Variants in PARP8 observed in about 807,000 individuals in gnomAD.
The protein encoded by PARP8 is protein mono-ADP-ribosyltransferase PARP8.
Under a neutral mutation model 124.1 loss-of-function variants are expected in PARP8, and 51 were observed. The observed-to-expected ratio is 0.41, with a 90% CI of 0.33 to 0.52. PARP8 has a LOEUF of 0.52. PARP8 is among the 20% of genes least tolerant of loss of function. The pLI is 0.21. For synonymous variants in PARP8, 391 were observed against 361.5 expected (o/e 1.08, Z -0.93); for missense variants, 860 against 1,018.9 (o/e 0.84, Z 2.12).
intron 2 of PARP8, among the ~76,000 whole-genome samples, chr5:50,700,532 C>A (rs1753484421): frequency 6.6e-6 from 1 of 152,162 alleles, no homozygotes; most frequent in Non-Finnish European, 1.5e-5. Flanking sequence ...CAAGTGTGCT[C>A]TGTGGAATAA....
At position 50,797,039 on chromosome 5, in the gene PARP8, G is replaced by C; in HGVS notation, c.1479+7G>C. 6.2e-7 allele frequency: 1 copy of C among 1,612,992 alleles called. No homozygotes were observed. The highest frequency in any genetic ancestry group is 8.5e-7 in the Non-Finnish European group (1 of 1,179,294). On this transcript the variant is annotated splice_region_variant and intron_variant, in intron 13 of 25. Transcript: ENST00000281631. ...CCGTGGCTTCCTGGTGCAGGTATGA[G>C]CCAAAACTCTATCCATTGTACAAAT...
At chr5:50,713,500 C>T (rs188259214) in intron 2 of PARP8, among the ~76,000 whole-genome samples, 64 of 152,146 alleles carry the variant, frequency 4.2e-4, no homozygotes, top group Middle Eastern at 3.4e-3. Context: ...CTGTGCCTCC[C>T]ATAGTGCTGG....
intron 2 of PARP8, among the ~76,000 whole-genome samples, chr5:50,726,218 A>G (rs562842206): frequency 6.0e-4 from 92 of 152,096 alleles, no homozygotes; most frequent in African/African-American, 2.2e-3. Flanking sequence ...CTTTGGGAGC[A>G]TTTCTAAACT....
intron 3 of PARP8, among the ~76,000 whole-genome samples, chr5:50,757,932 G>A (rs992633431): frequency 6.6e-6 from 1 of 151,952 alleles, no homozygotes; most frequent in African/African-American, 2.4e-5. Flanking sequence ...TGGTCTAATG[G>A]TGCCTTCTAA....
intron 2 of PARP8, among the ~76,000 whole-genome samples, chr5:50,690,200 T>C (rs1237035219): frequency 6.6e-6 from 1 of 152,184 alleles, no homozygotes; most frequent in Non-Finnish European, 1.5e-5. Flanking sequence ...CATACCTCTT[T>C]TCCTTACAAC....
intron 2 of PARP8, among the ~76,000 whole-genome samples, chr5:50,702,084 G>A (rs1753657229): frequency 6.6e-6 from 1 of 152,040 alleles, no homozygotes; most frequent in South Asian, 2.1e-4. Context: ...TGATGAAAAT[G>A]TATTCCTATT....
At chr5:50,801,292 T>A (rs181894276) in intron 14 of PARP8, among the ~76,000 whole-genome samples, 1 of 152,014 alleles carries the variant, frequency 6.6e-6, no homozygotes, top group East Asian at 1.9e-4. Flanking sequence ...AGAGACGGGG[T>A]TTCTTCGTGT....
intron 3 of PARP8, among the ~76,000 whole-genome samples, chr5:50,751,574 A>T (rs558807459): frequency 3.9e-4 from 60 of 152,270 alleles, no homozygotes; most frequent in African/African-American, 1.4e-3. Flanking sequence ...ATCAAAATAC[A>T]CTGTCCAGTG....
At chr5:50,801,300 T>C (rs1358858874) in intron 14 of PARP8, among the ~76,000 whole-genome samples, 1 of 152,086 alleles carries the variant, frequency 6.6e-6, no homozygotes, top group African/African-American at 2.4e-5. Context: ...GGTTTCTTCG[T>C]GTTGGTCAGT....
intron 2 of PARP8, among the ~76,000 whole-genome samples, chr5:50,745,677 G>A (rs1295144353): frequency 6.6e-6 from 1 of 152,172 alleles, no homozygotes; most frequent in Non-Finnish European, 1.5e-5. Flanking sequence ...GAAAAATGAA[G>A]CAATTGCCAT....
intron 2 of PARP8, among the ~76,000 whole-genome samples, chr5:50,748,990 C>T (rs1009401496): frequency 6.6e-6 from 1 of 152,146 alleles, no homozygotes; most frequent in Non-Finnish European, 1.5e-5. Flanking sequence ...CCCCATAAGT[C>T]ACTGATAGTC....
intron 7 of PARP8, among the ~76,000 whole-genome samples, chr5:50,772,677 G>T (rs758511398): frequency 4.6e-5 from 7 of 150,976 alleles, no homozygotes; most frequent in Non-Finnish European, 8.8e-5. Context: ...CGGGTCTTTT[G>T]CCTTTTATTT....
Position 50,667,149 on chromosome 5 carries a change from C to T in PARP8, c.54C>T (p.Ile18=). 1 of 1,596,300 alleles carries T rather than the reference C, an allele frequency of 6.3e-7. No individual in the cohort carries two copies. Residue 18 remains isoleucine, a synonymous_variant, in exon 1 of 26, where the codon ATC becomes ATT. Coordinates refer to ENST00000281631, the MANE Select transcript of PARP8 (RefSeq NM_024615.4). The part of the protein sequence containing the change: ...ERIQKDIDVV[I]QKSRAEKDCL... ...TTCAGAAGGATATCGACGTCGTGAT[C>T]CAGAAGTCCAGAGCTGAGAAGGACT...
chr5:50,669,816 T>C (rs1355852506), intron 2 of PARP8, among the ~76,000 whole-genome samples: 1 of 152,238 alleles, frequency 6.6e-6, no homozygotes, highest in Non-Finnish European at 1.5e-5. Context: ...GATAGTGTTT[T>C]CTTTTGTCAC....
chr5:50,792,660 A>G (rs1742094652), intron 10 of PARP8, among the ~76,000 whole-genome samples: 1 of 152,128 alleles, frequency 6.6e-6, no homozygotes, highest in African/African-American at 2.4e-5. Flanking sequence ...TATTACATTT[A>G]AATCCTGCTG....
Position 50,828,172 on chromosome 5 carries a change from G to C in PARP8, c.2090+116G>C, listed in dbSNP as rs1580483281. 3 of 1,112,432 alleles carry C rather than the reference G, an allele frequency of 2.7e-6. No individual in the cohort carries two copies. The African/African-American group carries it at 4.7e-5, about 17-fold the overall frequency. The allele number at this position is 1,112,432 out of a possible 1,614,324, so 68.9% of individuals were successfully genotyped here. A position where few individuals can be genotyped will look rare whatever the true frequency, so the allele number is the denominator to read the frequency against. On this transcript the variant is annotated intron_variant, in intron 20 of 25. Transcript: ENST00000281631. ...TCATTCAGTAGATGGTCATTCAACA[G>C]ATGGTCATGTAGTCAACTACATAAT...
chr5:50,750,559 AGT>A (rs796583591), intron 3 of PARP8, among the ~76,000 whole-genome samples: 1 of 151,976 alleles, frequency 6.6e-6, no homozygotes, highest in Non-Finnish European at 1.5e-5. Context: ...CAGTTTTCTA[AGT>A]GTGTGTGTGT....
intron 2 of PARP8, among the ~76,000 whole-genome samples, chr5:50,725,953 C>A (rs1408265062): frequency 6.6e-6 from 1 of 152,072 alleles, no homozygotes; most frequent in African/African-American, 2.4e-5. Context: ...CAAATCATGA[C>A]CGGAGACGCA....
At chr5:50,799,525 A>G (rs1168231953) in intron 14 of PARP8, among the ~76,000 whole-genome samples, 2 of 152,116 alleles carry the variant, frequency 1.3e-5, no homozygotes, top group Non-Finnish European at 2.9e-5. Context: ...GTTTTATAAG[A>G]TTGCATTGAC....
Sources: gnomAD v4.1 joint callset for allele counts (sites outside exome capture counted in the v4.1 genomes callset) on GRCh38, gnomAD v4.1.1 for gene constraint, MANE v1.5 for transcripts, NCBI Gene and HGNC (gene_info 2026-07-23, HGNC 2026-07-21) for gene names.